BCKDHB: variants seen among roughly 807,000 people sequenced by gnomAD.
BCKDHB encodes the protein 2-oxoisovalerate dehydrogenase subunit beta, mitochondrial.
BCKDHB carries 41 observed loss-of-function variants against 48.5 expected under a neutral mutation model. That is an observed-to-expected ratio of 0.85 (90% CI 0.66 to 1.10). The LOEUF is 1.10. BCKDHB is among the 50% of genes least tolerant of loss of function. The pLI, the probability that BCKDHB is intolerant of heterozygous loss-of-function variation, is 0.00. For synonymous variants in BCKDHB, 201 were observed against 174.8 expected, an observed-to-expected ratio of 1.15 and a Z score of -1.18; for missense variants, 496 against 494.2, an observed-to-expected ratio of 1.00 and a Z score of -0.03.
chr6:80,222,913 CA>C (rs1298310000), intron 8 of BCKDHB, among the ~76,000 whole-genome samples: 8 of 152,108 alleles, frequency 5.3e-5, no homozygotes, highest in African/African-American at 1.7e-4. Flanking sequence ...AGAATTCTAA[CA>C]AACTTTTTAC....
In BCKDHB at chr6:80,168,883, T is replaced by A; in HGVS notation, c.486T>A (p.Asn162Lys). Residue 162 changes from asparagine to lysine, a missense_variant, in exon 5 of 10, where the codon AAT becomes AAA. Physicochemically the swap from Asn to Lys is moderately conservative, Grantham distance 94 (BLOSUM62 0). Transcript: ENST00000320393. ...YIFPAFDQIV[N>K]EAAKYRYRSG... is the part of the protein sequence containing the mutation. Reference sequence around the variant, plus strand: ...TTCTTTCTGACCCTCAGATTGTTAATGAAGCTGCCAAGTATCGCTATCGCT... The same window carrying A: ...TTCTTTCTGACCCTCAGATTGTTAAAGAAGCTGCCAAGTATCGCTATCGCT... 1 of 1,614,122 alleles carries A rather than the reference T, an allele frequency of 6.2e-7. No homozygotes were observed. Among genetic ancestry groups the A allele is most frequent in the Non-Finnish European group, 8.5e-7 (1 of 1,180,008 alleles).
intron 3 of BCKDHB, among the ~76,000 whole-genome samples, chr6:80,157,281 A>G (rs1772089517): frequency 6.6e-6 from 1 of 152,074 alleles, no homozygotes; most frequent in South Asian, 2.1e-4. Flanking sequence ...GGGTAGTTGC[A>G]TATTCAAAAT....
intron 3 of BCKDHB, among the ~76,000 whole-genome samples, chr6:80,130,971 C>A (rs1464070105): frequency 5.9e-5 from 9 of 152,112 alleles, no homozygotes; most frequent in Admixed American, 5.2e-4. Context: ...AATATTTATT[C>A]AACTCACTGC....
the BCKDHB span, among the ~76,000 whole-genome samples, chr6:80,398,319 TA>T: frequency 6.6e-6 from 1 of 150,848 alleles, no homozygotes; most frequent in African/African-American, 2.4e-5. Context: ...ATAAGAGAGA[TA>T]GACTGCTAGC....
At chr6:80,452,796 T>A in the BCKDHB span, among the ~76,000 whole-genome samples, 1 of 152,152 alleles carries the variant, frequency 6.6e-6, no homozygotes, top group African/African-American at 2.4e-5. Context: ...GTCTTAAGAA[T>A]AACTAAATCA....
intron 1 of BCKDHB, among the ~76,000 whole-genome samples, chr6:80,120,479 G>C (rs560129631): frequency 6.2e-4 from 94 of 152,182 alleles, no homozygotes; most frequent in African/African-American, 2.1e-3. Context: ...CTCCCACCAA[G>C]AGTGTAAAAG....
At chr6:80,410,306 T>A in the BCKDHB span, among the ~76,000 whole-genome samples, 3 of 152,314 alleles carry the variant, frequency 2.0e-5, no homozygotes, top group Admixed American at 6.5e-5. Flanking sequence ...GGGTTTCTGC[T>A]GAGAGATCCA....
intron 6 of BCKDHB, among the ~76,000 whole-genome samples, chr6:80,186,285 G>A (rs1315507561): frequency 6.6e-6 from 1 of 152,138 alleles, no homozygotes; most frequent in East Asian, 1.9e-4. Context: ...AGGCCACTGT[G>A]GGTGATGTTC....
intron 9 of BCKDHB, among the ~76,000 whole-genome samples, chr6:80,294,040 C>A (rs1374006102): frequency 1.3e-5 from 2 of 152,196 alleles, no homozygotes; most frequent in African/African-American, 4.8e-5. Flanking sequence ...ATTTTCCTGT[C>A]TTCTTCTGAG....
At chr6:80,379,777 T>C in the BCKDHB span, among the ~76,000 whole-genome samples, 1 of 151,994 alleles carries the variant, frequency 6.6e-6, no homozygotes, top group Admixed American at 6.6e-5. Flanking sequence ...TTTACATAAT[T>C]AGTAGCATTT....
chr6:80,365,229 C>T, the BCKDHB span, among the ~76,000 whole-genome samples: 1 of 152,174 alleles, frequency 6.6e-6, no homozygotes, highest in Non-Finnish European at 1.5e-5. Flanking sequence ...TTCAGTGGTG[C>T]ATGTATTGTC....
At chr6:80,360,754 C>A in the BCKDHB span, among the ~76,000 whole-genome samples, 1 of 151,774 alleles carries the variant, frequency 6.6e-6, no homozygotes, top group African/African-American at 2.4e-5. Context: ...GCCTGTAATC[C>A]CAGCACTTTG....
chr6:80,284,230 A>G (rs1408251259), intron 9 of BCKDHB, among the ~76,000 whole-genome samples: 1 of 152,172 alleles, frequency 6.6e-6, no homozygotes. Context: ...ACATTAAAAT[A>G]GAGATTCACT....
chr6:80,262,098 A>G (rs1418191211), intron 8 of BCKDHB, among the ~76,000 whole-genome samples: 1 of 152,174 alleles, frequency 6.6e-6, no homozygotes, highest in Admixed American at 6.6e-5. Flanking sequence ...CTGTGCTGCC[A>G]GCTTTCCACT....
intron 1 of BCKDHB, among the ~76,000 whole-genome samples, chr6:80,109,812 T>C (rs558744849): frequency 1.3e-5 from 2 of 152,330 alleles, no homozygotes; most frequent in Admixed American, 1.3e-4. Flanking sequence ...ATCCTCACAG[T>C]AACCTTGTGA....
the BCKDHB span, among the ~76,000 whole-genome samples, chr6:80,423,992 T>A: frequency 6.6e-6 from 1 of 152,170 alleles, no homozygotes; most frequent in Non-Finnish European, 1.5e-5. Flanking sequence ...AGTTCTGGAA[T>A]GCTGAGATGT....
At chr6:80,262,071 A>G (rs1777330749) in intron 8 of BCKDHB, among the ~76,000 whole-genome samples, 1 of 152,126 alleles carries the variant, frequency 6.6e-6, no homozygotes, top group African/African-American at 2.4e-5. Context: ...GCTCTGCTGT[A>G]CAGGTAAGGT....
At chr6:80,107,462 T>C (rs1164032352) in intron 1 of BCKDHB, among the ~76,000 whole-genome samples, 3 of 137,772 alleles carry the variant, frequency 2.2e-5, no homozygotes, top group Admixed American at 1.4e-4. Context: ...TCCACACACA[T>C]ATATATATGT....
intron 9 of BCKDHB, among the ~76,000 whole-genome samples, chr6:80,324,584 C>T (rs141367992): frequency 1.3e-5 from 2 of 152,170 alleles, no homozygotes; most frequent in East Asian, 1.9e-4. Context: ...CAGCTACTCC[C>T]CTAGGGCAGT....
Sources: allele counts gnomAD v4.1 joint callset (sites outside exome capture counted in the v4.1 genomes callset), GRCh38; gene constraint gnomAD v4.1.1; transcripts MANE v1.5; gene names NCBI Gene and HGNC (gene_info 2026-07-23, HGNC 2026-07-21).